ARHGEF6: variants seen among roughly 807,000 people sequenced by gnomAD.
ARHGEF6 encodes the protein rho guanine nucleotide exchange factor 6.
Under a neutral mutation model 70.3 loss-of-function variants are expected in ARHGEF6, and 9 were observed. The ratio of observed to expected loss-of-function variants is 0.13; its 90% CI spans 0.08 to 0.22. The LOEUF (loss-of-function observed/expected upper bound fraction) is 0.22, where lower values mean the gene tolerates loss of function less well. Ranked by LOEUF, ARHGEF6 falls within the 10% of genes least tolerant of loss-of-function variation. ARHGEF6 has a pLI of 1.00. For synonymous variants in ARHGEF6, 201 were observed against 207.8 expected (o/e 0.97, Z 0.28); for missense variants, 470 against 563.0 (o/e 0.83, Z 1.67).
chrX:136,750,184 A>G (rs1368812276), intron 2 of ARHGEF6, among the ~76,000 whole-genome samples: 2 of 112,147 alleles, frequency 1.8e-5, no homozygotes, highest in Non-Finnish European at 3.8e-5. Context: ...AAGGAAAGGT[A>G]GATTAAAGTA....
At chrX:136,683,218 T>C (rs902366965) in intron 12 of ARHGEF6, among the ~76,000 whole-genome samples, 10 of 111,748 alleles carry the variant, frequency 8.9e-5, no homozygotes, top group African/African-American at 3.3e-4. Context: ...TTTGAAAAAA[T>C]GGCAAGATGA....
intron 2 of ARHGEF6, among the ~76,000 whole-genome samples, chrX:136,770,709 C>T (rs993332891): frequency 8.9e-6 from 1 of 112,649 alleles, no homozygotes; most frequent in Non-Finnish European, 1.9e-5. Context: ...ATTAAAAAAT[C>T]AATAGGGCAG....
At chrX:136,680,688 G>A (rs375490761) in intron 15 of ARHGEF6, 43 bp downstream of exon 15, 45 of 1,203,200 alleles carry the variant, frequency 3.7e-5, no homozygotes, top group African/African-American at 1.0e-4. Flanking sequence ...AGGAGTTGAC[G>A]AAAGACTCAA....
chrX:136,779,547 G>T, intron 1 of ARHGEF6, 50 bp from the exon 2 acceptor site: 1 of 1,079,192 alleles, frequency 9.3e-7, no homozygotes, highest in Non-Finnish European at 1.3e-6. Context: ...CCCATGCCAA[G>T]CAAAGTATAC....
chrX:136,700,117 C>T (rs1259818352), intron 9 of ARHGEF6, among the ~76,000 whole-genome samples: 1 of 111,222 alleles, frequency 9.0e-6, no homozygotes, highest in African/African-American at 3.3e-5. Flanking sequence ...TAGAATGTGT[C>T]CCCTTCCCCA....
chrX:136,704,277 C>T (rs1459885750), intron 9 of ARHGEF6, among the ~76,000 whole-genome samples: 1 of 112,161 alleles, frequency 8.9e-6, no homozygotes, highest in Non-Finnish European at 1.9e-5. Flanking sequence ...GTGATGGCTA[C>T]ACAACCTTGT....
At position 136,681,563 on chromosome X, in the gene ARHGEF6, G is replaced by C. The variant is rs187681314; in HGVS notation, c.1558+327C>G. Among the ~76,000 whole-genome samples the C allele has an allele frequency of 3.4e-3, 378 of 112,245 alleles. 2 individuals carry two copies. The highest frequency in any genetic ancestry group is 0.012 in the African/African-American group (357 of 30,890). On this transcript the variant is annotated intron_variant, in intron 14 of 21. Transcript: ENST00000250617. ...TTGCTGATAAAAGTCCATATCTTTG[G>C]CTCCTCTGCCACCAGGGAACAAATG...
chrX:136,669,201 T>C (rs1238932741), intron 21 of ARHGEF6, among the ~76,000 whole-genome samples: 4 of 112,278 alleles, frequency 3.6e-5, no homozygotes, highest in African/African-American at 1.3e-4. Flanking sequence ...GAATGACTAG[T>C]CTTTTCTTAA....
chrX:136,710,112 C>A (rs1433816371), intron 7 of ARHGEF6, among the ~76,000 whole-genome samples: 2 of 109,172 alleles, frequency 1.8e-5, no homozygotes, highest in African/African-American at 6.7e-5. Context: ...TCAAGACCAG[C>A]CTGGCCAACA....
chrX:136,705,114 G>T (rs190764254), intron 9 of ARHGEF6, among the ~76,000 whole-genome samples: 41 of 110,991 alleles, frequency 3.7e-4, no homozygotes, highest in Non-Finnish European at 6.8e-4. Context: ...GAGGTCAGGA[G>T]TTCGAGATCA....
intron 5 of ARHGEF6, 52 bp from the exon 6 acceptor site, chrX:136,732,224 C>T: frequency 1.1e-6 from 1 of 903,367 alleles, no homozygotes; most frequent in Non-Finnish European, 1.6e-6. Context: ...CTATGATGAA[C>T]ATTTTATAAC....
chrX:136,685,660 G>C lies in ARHGEF6; in HGVS notation c.1392+17C>G, dbSNP rs777304970. 16 of 1,179,910 alleles carry C rather than the reference G, an allele frequency of 1.4e-5. No individual in the cohort carries two copies. The Admixed American group carries it at 3.1e-4, about 23-fold the overall frequency. On this transcript the variant is annotated intron_variant, in intron 12 of 21. Coordinates refer to ENST00000250617, the MANE Select transcript of ARHGEF6 (RefSeq NM_004840.3). ...CGAAAGATGGAAGAAATAATGTTGA[G>C]ATTTGAAATACCTTACCTCACATGC... is the stretch of plus-strand genomic sequence containing the variant.
chrX:136,735,094 C>T (rs1428265928), intron 5 of ARHGEF6, among the ~76,000 whole-genome samples: 1 of 112,118 alleles, frequency 8.9e-6, no homozygotes, highest in East Asian at 2.8e-4. Context: ...GGCAAGGATG[C>T]ATGCTCTCAC....
Position 136,749,600 on chromosome X carries a change from C to T in ARHGEF6, c.250-2008G>A, listed in dbSNP as rs568308995. Among the ~76,000 whole-genome samples, 84 of 112,232 alleles carry T rather than the reference C, an allele frequency of 7.5e-4. 1 individual carries two copies. The highest frequency in any genetic ancestry group is 5.8e-3 in the Admixed American group (62 of 10,610). On this transcript the variant is annotated intron_variant, in intron 2 of 21. Transcript: ENST00000250617. ...CTGGTATTATTCACTTGTACAAGTA[C>T]TTGACTGATTTTGAAAATAAATAAA...
intron 6 of ARHGEF6, among the ~76,000 whole-genome samples, chrX:136,722,057 T>C (rs2076803543): frequency 9.0e-6 from 1 of 110,940 alleles, no homozygotes; most frequent in Admixed American, 9.6e-5. Flanking sequence ...TATAATTTTA[T>C]CTGTCAATTA....
At chrX:136,679,768 A>T in intron 15 of ARHGEF6, 108 bp from the exon 16 acceptor site, 1 of 991,552 alleles carries the variant, frequency 1.0e-6, no homozygotes, top group Non-Finnish European at 1.4e-6. Flanking sequence ...AGACAGCCAT[A>T]GAAAGGGATA....
At chrX:136,673,220 AG>A (rs2076243271) in intron 19 of ARHGEF6, among the ~76,000 whole-genome samples, 1 of 112,290 alleles carries the variant, frequency 8.9e-6, no homozygotes, top group South Asian at 3.7e-4. Flanking sequence ...ATTTTACATC[AG>A]GGACTTGAGC....
At chrX:136,674,200 T>C (rs760018634) in intron 19 of ARHGEF6, among the ~76,000 whole-genome samples, 1 of 112,422 alleles carries the variant, frequency 8.9e-6, no homozygotes, top group East Asian at 2.8e-4. Flanking sequence ...AGAGATGCAT[T>C]ACTTTGAAAG....
chrX:136,759,791 C>T (rs1348515851), intron 2 of ARHGEF6, among the ~76,000 whole-genome samples: 1 of 111,924 alleles, frequency 8.9e-6, no homozygotes, highest in Non-Finnish European at 1.9e-5. Context: ...CTTCTTTTCC[C>T]TGTTGCCCTA....
Sources: gnomAD v4.1 joint callset for allele counts (sites outside exome capture counted in the v4.1 genomes callset) on GRCh38, gnomAD v4.1.1 for gene constraint, MANE v1.5 for transcripts, NCBI Gene and HGNC (gene_info 2026-07-23, HGNC 2026-07-21) for gene names.